CACNA2D3: variants seen among roughly 807,000 people sequenced by gnomAD.
CACNA2D3 encodes voltage-dependent calcium channel subunit alpha-2/delta-3.
CACNA2D3 carries 60 observed loss-of-function variants against 160.6 expected under a neutral mutation model. The ratio of observed to expected loss-of-function variants is 0.37; its 90% CI spans 0.30 to 0.46. CACNA2D3 has a LOEUF of 0.46. CACNA2D3 is among the 20% of genes least tolerant of loss of function. CACNA2D3 has a pLI of 1.00. For missense variants in CACNA2D3, 1,205 were observed against 1,365.0 expected (o/e 0.88, Z 1.85); for synonymous variants, 558 against 492.9 (o/e 1.13, Z -1.75).
At chr3:54,924,712 T>C (rs780200127) in intron 27 of CACNA2D3, 10 of 1,614,162 alleles carry the variant, frequency 6.2e-6, no homozygotes, top group Middle Eastern at 1.6e-4. Context: ...AGCCTCACAC[T>C]GGGCATGGAT....
intron 4 of CACNA2D3, among the ~76,000 whole-genome samples, chr3:54,493,336 C>G (rs1701147318): frequency 1.3e-5 from 2 of 152,078 alleles, no homozygotes; most frequent in Admixed American, 6.5e-5. Context: ...CTTGACCTCC[C>G]AAAATGTTAG....
At chr3:54,885,635 G>A in intron 23 of CACNA2D3, 49 bp downstream of exon 23, 1 of 1,437,006 alleles carries the variant, frequency 7.0e-7, no homozygotes, top group Non-Finnish European at 9.7e-7. Context: ...TGATGGTGGG[G>A]AATGAACTCA....
chr3:54,466,366 A>G (rs546174534), intron 4 of CACNA2D3, among the ~76,000 whole-genome samples: 12 of 152,336 alleles, frequency 7.9e-5, no homozygotes, highest in Middle Eastern at 6.8e-3. Flanking sequence ...GATTCTTTCT[A>G]TATGATATCA....
intron 11 of CACNA2D3, among the ~76,000 whole-genome samples, chr3:54,689,006 A>AGAGAG (rs1398303895): frequency 2.7e-5 from 3 of 109,262 alleles, no homozygotes; most frequent in Non-Finnish European, 5.7e-5. Context: ...AAAAAAAAAA[A>AGAGAG]AAAAAGAATG....
At chr3:54,256,308 T>G (rs1702292586) in intron 2 of CACNA2D3, among the ~76,000 whole-genome samples, 1 of 152,140 alleles carries the variant, frequency 6.6e-6, no homozygotes, top group African/African-American at 2.4e-5. Context: ...ATTCCATTAT[T>G]GGAATGCTAA....
At chr3:54,994,187 TG>T (rs1197395195) in intron 31 of CACNA2D3, among the ~76,000 whole-genome samples, 1 of 152,160 alleles carries the variant, frequency 6.6e-6, no homozygotes, top group African/African-American at 2.4e-5. Context: ...TTTCTACTCC[TG>T]TCTCTGTGTG....
chr3:54,849,101 T>C (rs774437874), intron 17 of CACNA2D3, among the ~76,000 whole-genome samples: 2 of 152,206 alleles, frequency 1.3e-5, no homozygotes, highest in African/African-American at 4.8e-5. Context: ...GAAGGGATCG[T>C]GTACATACAC....
chr3:54,437,916 G>C (rs1046971437), intron 4 of CACNA2D3, among the ~76,000 whole-genome samples: 3 of 152,216 alleles, frequency 2.0e-5, no homozygotes, highest in African/African-American at 7.2e-5. Flanking sequence ...CACATGGCAG[G>C]GGGTGGGCAG....
intron 35 of CACNA2D3, among the ~76,000 whole-genome samples, chr3:55,064,158 C>T (rs1704579675): frequency 6.6e-6 from 1 of 152,252 alleles, no homozygotes; most frequent in Non-Finnish European, 1.5e-5. Flanking sequence ...GACCGAGGTG[C>T]TGTGTCCTGG....
At chr3:54,809,046 C>G (rs893226584) in intron 13 of CACNA2D3, among the ~76,000 whole-genome samples, 1 of 152,134 alleles carries the variant, frequency 6.6e-6, no homozygotes, top group African/African-American at 2.4e-5. Context: ...GTTATTACTA[C>G]TGTTTTACGG....
At chr3:54,215,968 G>T (rs1192906528) in intron 2 of CACNA2D3, among the ~76,000 whole-genome samples, 4 of 151,890 alleles carry the variant, frequency 2.6e-5, no homozygotes, top group Admixed American at 2.6e-4. Flanking sequence ...ATGTGTACAT[G>T]TGTGTCCTCT....
intron 4 of CACNA2D3, among the ~76,000 whole-genome samples, chr3:54,440,629 C>T (rs879651435): frequency 2.0e-5 from 3 of 152,146 alleles, no homozygotes; most frequent in Non-Finnish European, 4.4e-5. Context: ...AATGCTATCC[C>T]TCCCTGCTCC....
At chr3:54,204,777 C>T (rs1281019106) in intron 2 of CACNA2D3, among the ~76,000 whole-genome samples, 1 of 109,172 alleles carries the variant, frequency 9.2e-6, no homozygotes, top group African/African-American at 3.6e-5. Flanking sequence ...GCCTGGGTGA[C>T]AGAGCAAGAT....
intron 11 of CACNA2D3, among the ~76,000 whole-genome samples, chr3:54,659,203 A>G (rs543111123): frequency 6.6e-6 from 1 of 152,194 alleles, no homozygotes; most frequent in African/African-American, 2.4e-5. Context: ...TTGTTATGTC[A>G]TCTGCTAGAA....
intron 11 of CACNA2D3, among the ~76,000 whole-genome samples, chr3:54,730,912 A>C (rs932048371): frequency 1.3e-5 from 2 of 152,220 alleles, no homozygotes; most frequent in East Asian, 3.9e-4. Context: ...AATTCTCTTT[A>C]AACACATGTT....
At chr3:54,345,455 TAGA>T (rs1389594365) in intron 3 of CACNA2D3, among the ~76,000 whole-genome samples, 5 of 152,212 alleles carry the variant, frequency 3.3e-5, no homozygotes, top group Non-Finnish European at 7.3e-5. Flanking sequence ...CAGCTGGTCA[TAGA>T]AGAAGATACC....
At chr3:54,652,647 G>A (rs2106866612) in intron 11 of CACNA2D3, among the ~76,000 whole-genome samples, 1 of 152,172 alleles carries the variant, frequency 6.6e-6, no homozygotes, top group South Asian at 2.1e-4. Flanking sequence ...AGTGCAGGTG[G>A]CTGGAGCCCA....
chr3:54,565,653 T>G (rs1702398134), intron 6 of CACNA2D3, among the ~76,000 whole-genome samples: 1 of 152,188 alleles, frequency 6.6e-6, no homozygotes, highest in Admixed American at 6.5e-5. Context: ...TTATTTAACT[T>G]TATTTAAAAT....
At chr3:54,460,439 C>G in intron 4 of CACNA2D3, among the ~76,000 whole-genome samples, 1 of 152,174 alleles carries the variant, frequency 6.6e-6, no homozygotes, top group Non-Finnish European at 1.5e-5. Flanking sequence ...TTTGTATCCT[C>G]ATTTATTTCA....
Sources: gnomAD v4.1 joint callset for allele counts (sites outside exome capture counted in the v4.1 genomes callset) on GRCh38, gnomAD v4.1.1 for gene constraint, MANE v1.5 for transcripts, NCBI Gene and HGNC (gene_info 2026-07-23, HGNC 2026-07-21) for gene names.